FLT4: variants seen among roughly 807,000 people sequenced by gnomAD.
FLT4 encodes the protein fms related receptor tyrosine kinase 4.
A neutral mutation model predicts 163.2 loss-of-function variants in FLT4; 30 were observed. The ratio of observed to expected loss-of-function variants is 0.18; its 90% CI spans 0.14 to 0.25. The LOEUF is 0.25. FLT4 is among the 10% of genes least tolerant of loss of function. The pLI is 1.00. For synonymous variants in FLT4, 884 were observed against 789.5 expected, an observed-to-expected ratio of 1.12 and a Z score of -2.01; for missense variants, 1,510 against 1,863.8, an observed-to-expected ratio of 0.81 and a Z score of 3.50.
At chr5:180,627,310 G>T (rs571478138) in intron 8 of FLT4, among the ~76,000 whole-genome samples, 13 of 152,308 alleles carry the variant, frequency 8.5e-5, no homozygotes, top group African/African-American at 2.6e-4. Context: ...GGGCCCGGGG[G>T]GAGTGCCTGG....
rs1483772533 is a variant in FLT4, at chr5:180,603,365, C to G, written c.3919G>C (p.Ala1307Pro). 6.2e-7 allele frequency: 1 copy of G among 1,614,088 alleles called. No homozygotes were observed. Among genetic ancestry groups the G allele is most frequent in the Non-Finnish European group, 8.5e-7 (1 of 1,179,994 alleles). ...FSCKGPGQNVAVTRAHPDSQG... is the reference protein window; with the variant it reads ...FSCKGPGQNVPVTRAHPDSQG... Reference sequence around the variant, plus strand: ...GAGTCAGGGTGTGCCCTGGTCACAGCCACATTCTGGCCAGGTCCTTTACAG... The same window carrying G: ...GAGTCAGGGTGTGCCCTGGTCACAGGCACATTCTGGCCAGGTCCTTTACAG... Residue 1307 changes from alanine to proline, a missense_variant, in exon 30 of 30, where the codon GCT (alanine) becomes CCT (proline). Ala to Pro is a conservative substitution (Grantham distance 27). This residue lies in a region of FLT4 where 295 missense variants were observed against 311.0 expected (regional missense o/e 0.95). Transcript: ENST00000261937.
rs377604193 is a variant in FLT4, at chr5:180,630,241, T to C, written c.497A>G (p.Asn166Ser). The part of the protein sequence containing the change: ...VPCLVSIPGL[N>S]VTLRSQSSVL... The stretch of plus-strand genomic sequence containing the variant: ...GGGCCGTACCGAGCGCAGCGTGACA[T>C]TGAGGCCGGGGATGGACACCAGACA... Residue 166 changes from asparagine to serine, a missense_variant, in exon 4 of 30, where the codon AAT (asparagine) becomes AGT (serine). Asn to Ser is a conservative substitution (Grantham distance 46, BLOSUM62 1). This residue lies in a region of FLT4 where 163 missense variants were observed against 281.1 expected (regional missense o/e 0.58). Coordinates refer to ENST00000261937, the MANE Select transcript of FLT4 (RefSeq NM_182925.5). The surrounding 1 kb of genome is among the most constrained non-coding windows in gnomAD (Gnocchi z 6.3). 6.8e-6 allele frequency: 11 copies of C among 1,612,060 alleles called. No individual in the cohort carries two copies. Among genetic ancestry groups the C allele is most frequent in the East Asian group, 2.2e-5 (1 of 44,844 alleles).
chr5:180,609,632 C>T, intron 28 of FLT4: 1 of 450,014 alleles, frequency 2.2e-6, no homozygotes, highest in Non-Finnish European at 4.1e-6. Context: ...CCCGAACCTG[C>T]CACCGAGGAG....
In FLT4 at chr5:180,624,015, T is replaced by C. The variant is rs371005144; in HGVS notation, c.1468A>G (p.Arg490Gly). 96 of 1,613,272 alleles carry C rather than the reference T, an allele frequency of 6.0e-5. No homozygotes were observed. Among genetic ancestry groups the C allele is most frequent in the Non-Finnish European group, 8.5e-6 (10 of 1,179,992 alleles). ...ACGGCATCCTGCGTGGTCACCGCCC[T>C]CCAGTCACGGCACTGTGGCATGAGG... The part of the protein sequence containing the change: ...QDLMPQCRDW[R>G]AVTTQDAVNP... The change falls in exon 11 of 30, where the codon AGG becomes GGG. Residue 490 changes from arginine to glycine, a missense_variant. Around this residue, in one of 5 missense-constraint regions of FLT4, gnomAD observed 878 missense variants for 1,016.7 expected, o/e 0.86. Transcript: ENST00000261937.
At chr5:180,629,466 C>A (rs1398054043) in intron 6 of FLT4, 39 bp from the exon 7 acceptor site, 2 of 1,605,662 alleles carry the variant, frequency 1.2e-6, no homozygotes, top group African/African-American at 2.7e-5. Context: ...AGCAGGCGGG[C>A]TCCTGCACAG....
At chr5:180,606,601 T>C (rs1000046739) in intron 29 of FLT4, among the ~76,000 whole-genome samples, 4 of 152,200 alleles carry the variant, frequency 2.6e-5, no homozygotes, top group Non-Finnish European at 4.4e-5. Context: ...TTCTCGAAGG[T>C]GTGTAGAGGT....
chr5:180,641,807 G>T (rs551740061), intron 1 of FLT4, among the ~76,000 whole-genome samples: 1 of 152,334 alleles, frequency 6.6e-6, no homozygotes, highest in Admixed American at 6.5e-5. Context: ...TTTGCTGTAT[G>T]GTCTTGGGCA....
In FLT4 at chr5:180,602,691, T is replaced by C; in HGVS notation, c.*501A>G. Reference sequence around the variant, plus strand: ...TGGAAACACAGCCCCTCCCTTCAACTGTGCAGGGGTGGGTGAGGCCAGCCA... The same window carrying C: ...TGGAAACACAGCCCCTCCCTTCAACCGTGCAGGGGTGGGTGAGGCCAGCCA... On this transcript the variant is annotated 3_prime_UTR_variant, in exon 30 of 30. Transcript: ENST00000261937. The C allele has an allele frequency of 2.4e-6, 1 of 420,368 alleles. No individual in the cohort carries two copies. 26.0% of individuals were successfully genotyped at this position (420,368 alleles called of 1,614,324 possible). A position where few individuals can be genotyped will look rare whatever the true frequency, so the allele number is the denominator to read the frequency against.
Position 180,630,835 on chromosome 5 carries a change from G to A in FLT4, c.156-36C>T, listed in dbSNP as rs776008495. On this transcript the variant is annotated intron_variant, in intron 2 of 29. Coordinates refer to ENST00000261937, the MANE Select transcript of FLT4 (RefSeq NM_182925.5). This position sits in a 1 kb window ranked among gnomAD's most constrained non-coding sequence, Gnocchi z 6.3. ...ACAGGAGTGGTCAGGTGGGCCCCAG[G>A]GCAGCCCATGGGGACTGTCCCTGAG... is the stretch of plus-strand genomic sequence containing the variant. 3.2e-6 allele frequency: 5 copies of A among 1,575,528 alleles called. No individual in the cohort carries two copies. Among genetic ancestry groups the A allele is most frequent in the Non-Finnish European group, 4.3e-6 (5 of 1,165,748 alleles).
In FLT4 at chr5:180,618,834, C is replaced by T. The variant is rs779003113; in HGVS notation, c.2937G>A (p.Arg979=). The change falls in exon 21 of 30, where the codon AGG becomes AGA. Residue 979 remains arginine (R), a synonymous_variant. Transcript: ENST00000261937. ...TCTTCGAGAACCGCGCGAAGAGGAC[C>T]CTGTCGCTGCTCCCCGGCCGCCTCC... The part of the protein sequence containing the change: ...LDRRRPGSSD[R]VLFARFSKTE... 1.3e-6 allele frequency: 2 copies of T among 1,583,664 alleles called. No homozygotes were observed. The highest frequency in any genetic ancestry group is 1.7e-6 in the Non-Finnish European group (2 of 1,165,680).
chr5:180,633,723 G>T (rs1275064493), intron 1 of FLT4, among the ~76,000 whole-genome samples: 4 of 152,182 alleles, frequency 2.6e-5, no homozygotes, highest in Non-Finnish European at 4.4e-5. Flanking sequence ...ATGTATGTGG[G>T]CACCGGAGTG....
At chr5:180,615,389 A>G (rs1762584542) in intron 23 of FLT4, among the ~76,000 whole-genome samples, 1 of 131,872 alleles carries the variant, frequency 7.6e-6, no homozygotes, top group African/African-American at 2.9e-5. Context: ...TTCCTTTCGG[A>G]GCACTGGGTC....
chr5:180,640,935 G>A (rs998798065), intron 1 of FLT4, among the ~76,000 whole-genome samples: 2 of 152,184 alleles, frequency 1.3e-5, no homozygotes, highest in Non-Finnish European at 2.9e-5. Flanking sequence ...GCTGCTCTCC[G>A]AATGATGGCT....
Position 180,630,524 on chromosome 5 carries a change from T to A in FLT4, c.400+31A>T. The A allele has an allele frequency of 6.2e-7, 1 of 1,611,700 alleles. No individual in the cohort carries two copies. The highest frequency in any genetic ancestry group is 8.5e-7 in the Non-Finnish European group (1 of 1,179,630). Reference sequence around the variant, plus strand: ...TGTGGGCCCCAGCTGCCCGGGACCCTGCTCCAGCCTGGCCCGCCTCCAAGT... The same window carrying A: ...TGTGGGCCCCAGCTGCCCGGGACCCAGCTCCAGCCTGGCCCGCCTCCAAGT... On this transcript the variant is annotated intron_variant, in intron 3 of 29. Coordinates refer to ENST00000261937, the MANE Select transcript of FLT4 (RefSeq NM_182925.5). The surrounding 1 kb of genome is among the most constrained non-coding windows in gnomAD (Gnocchi z 6.3).
In FLT4 at chr5:180,622,172, A is replaced by G. The variant is rs148563264; in HGVS notation, c.1658-268T>C. Among the ~76,000 whole-genome samples, 881 of 152,122 alleles carry G rather than the reference A, an allele frequency of 5.8e-3. 9 individuals are homozygous for G. The highest frequency in any genetic ancestry group is 0.02 in the African/African-American group (841 of 41,480). On this transcript the variant is annotated intron_variant, in intron 12 of 29. Transcript: ENST00000261937. ...AATAACGTGTTCCCTGGCTTTTCCCAGTGCCGTGCGCCCACTTCCTCTTGT... is the reference window on the plus strand; with the variant it reads ...AATAACGTGTTCCCTGGCTTTTCCCGGTGCCGTGCGCCCACTTCCTCTTGT...
chr5:180,642,147 CA>C (rs1392413943), intron 1 of FLT4, among the ~76,000 whole-genome samples: 1 of 150,786 alleles, frequency 6.6e-6, no homozygotes, highest in African/African-American at 2.4e-5. Flanking sequence ...GCAGAGCTTG[CA>C]GTGGGCCGAG....
intron 29 of FLT4, among the ~76,000 whole-genome samples, chr5:180,603,700 C>T (rs374513810): frequency 2.5e-4 from 38 of 152,024 alleles, no homozygotes; most frequent in Non-Finnish European, 2.9e-4. Flanking sequence ...GTCAGGAGAT[C>T]GAGACCATCC....
intron 24 of FLT4, 45 bp downstream of exon 24, chr5:180,614,023 G>A: frequency 1.5e-6 from 2 of 1,364,126 alleles, no homozygotes; most frequent in Non-Finnish European, 2.1e-6. Flanking sequence ...CCTGCCGCCA[G>A]TGACCTCGCC....
intron 10 of FLT4, among the ~76,000 whole-genome samples, chr5:180,625,414 T>C (rs1205998041): frequency 6.6e-6 from 1 of 152,164 alleles, no homozygotes; most frequent in Non-Finnish European, 1.5e-5. Flanking sequence ...ATGTGAGTGG[T>C]GCACAGATGA....
Sources: gnomAD v4.1 joint callset for allele counts (sites outside exome capture counted in the v4.1 genomes callset) on GRCh38, gnomAD v4.1.1 for gene constraint, gnomAD v4.1.1 regional missense constraint, Gnocchi (gnomAD v3.1) non-coding constraint, MANE v1.5 for transcripts, NCBI Gene and HGNC (gene_info 2026-07-23, HGNC 2026-07-21) for gene names.